GLYR1: variants seen among roughly 807,000 people sequenced by gnomAD.
GLYR1 encodes glyoxylate reductase 1 homolog.
A neutral mutation model predicts 72.7 loss-of-function variants in GLYR1; 21 were observed. That is an observed-to-expected ratio of 0.29 (90% CI 0.20 to 0.42). The LOEUF (loss-of-function observed/expected upper bound fraction) is 0.42. Ranked by LOEUF, GLYR1 falls within the 10% of genes least tolerant of loss-of-function variation. The pLI is 1.00. For synonymous variants in GLYR1, 392 were observed against 270.2 expected (o/e 1.45, Z -4.42); for missense variants, 594 against 712.1 (o/e 0.83, Z 1.89).
intron 1 of GLYR1, chr16:4,847,019 G>C: frequency 1.8e-6 from 1 of 561,112 alleles, no homozygotes. Flanking sequence ...GATCAAAGCC[G>C]GTGCCCGACG....
chr16:4,818,742 C>T (rs975279598), intron 9 of GLYR1, among the ~76,000 whole-genome samples: 4 of 152,260 alleles, frequency 2.6e-5, no homozygotes, highest in East Asian at 1.9e-4. Flanking sequence ...CCCGTCTTCC[C>T]GTTATCAACA....
At chr16:4,805,649 A>G (rs1336147981) in intron 15 of GLYR1, among the ~76,000 whole-genome samples, 2 of 152,178 alleles carry the variant, frequency 1.3e-5, no homozygotes, top group East Asian at 3.8e-4. Flanking sequence ...GAGACCAGCC[A>G]GGCCAAAAAG....
chr16:4,832,367 G>T, intron 4 of GLYR1, 146 bp from the exon 5 acceptor site: 1 of 948,704 alleles, frequency 1.1e-6, no homozygotes, highest in Non-Finnish European at 1.6e-6. Context: ...TGTCGTCCCA[G>T]ACATTGGGAG....
At position 4,804,935 on chromosome 16, in the gene GLYR1, G is replaced by C. The variant is rs1401248709; in HGVS notation, c.*301C>G. 1.7e-5 allele frequency: 3 copies of C among 176,030 alleles called. No homozygotes were observed. The East Asian group carries it at 3.8e-4, about 22-fold the overall frequency. 10.9% of individuals were successfully genotyped at this position (176,030 alleles called of 1,614,324 possible). On this transcript the variant is annotated 3_prime_UTR_variant, in exon 16 of 16. Transcript: ENST00000321919. ...AGCTTCTATCCTGGGGCGAGAGCCT[G>C]TGTGTGTGTGTGTGTGTGTGTGTGT...
At chr16:4,811,524 G>C (rs2083321694) in intron 14 of GLYR1, 99 bp downstream of exon 14, 2 of 1,449,242 alleles carry the variant, frequency 1.4e-6, no homozygotes, top group Non-Finnish European at 1.9e-6. Flanking sequence ...GTCAGGGACT[G>C]ACTGGGGAGG....
At chr16:4,843,940 G>A (rs1454780549) in intron 3 of GLYR1, 4 of 187,218 alleles carry the variant, frequency 2.1e-5, no homozygotes, top group South Asian at 1.5e-4. Flanking sequence ...GTGAAACCCC[G>A]TCTCTACTAA....
intron 9 of GLYR1, among the ~76,000 whole-genome samples, chr16:4,818,120 G>A (rs1295445376): frequency 6.6e-6 from 1 of 151,758 alleles, no homozygotes; most frequent in East Asian, 1.9e-4. Flanking sequence ...TCAGCTTTCT[G>A]AGTAGCTGGG....
intron 7 of GLYR1, among the ~76,000 whole-genome samples, chr16:4,821,943 C>T (rs886966475): frequency 1.3e-5 from 2 of 152,222 alleles, no homozygotes; most frequent in African/African-American, 4.8e-5. Flanking sequence ...CCTCTGCATC[C>T]GCAGGACTTG....
chr16:4,815,043 GGTT>G (rs1567678982), intron 10 of GLYR1, among the ~76,000 whole-genome samples: 1 of 152,124 alleles, frequency 6.6e-6, no homozygotes, highest in African/African-American at 2.4e-5. Flanking sequence ...TTCGTTTTTG[GGTT>G]GTTTCTCAAC....
intron 9 of GLYR1, among the ~76,000 whole-genome samples, chr16:4,819,622 T>C (rs191422690): frequency 2.0e-5 from 3 of 152,294 alleles, no homozygotes; most frequent in African/African-American, 7.2e-5. Flanking sequence ...TGTTTTCAAT[T>C]CAGAAATTCT....
rs905603398 is a variant in GLYR1, at chr16:4,846,089, C to G, written c.75+85G>C. ...TGAATGAGCCCAATTTAACTCAATA[C>G]TAGAAACTGAGAGGAATGCATCTTA... On this transcript the variant is annotated intron_variant, in intron 2 of 15. Coordinates refer to ENST00000321919, the MANE Select transcript of GLYR1 (RefSeq NM_032569.4). The G allele has an allele frequency of 2.8e-6, 4 of 1,448,242 alleles. No individual in the cohort carries two copies. In the African/African-American group the frequency reaches 4.2e-5, roughly 15 times the overall value. The allele number at this position is 1,448,242 out of a possible 1,614,324, so 89.7% of individuals were successfully genotyped here.
chr16:4,832,760 A>G lies in GLYR1; in HGVS notation c.294+14T>C. 2.5e-6 allele frequency: 4 copies of G among 1,597,918 alleles called. No individual in the cohort carries two copies. Among genetic ancestry groups the G allele is most frequent in the Non-Finnish European group, 3.4e-6 (4 of 1,171,232 alleles). On this transcript the variant is annotated intron_variant, in intron 4 of 15. Transcript: ENST00000321919. ...AGTCTGGCATTGGTAGAAAGTGAAC[A>G]TTGTGTCTCTCACCTGGTCTTTCCC...
chr16:4,840,807 C>T (rs1489974650), intron 3 of GLYR1, among the ~76,000 whole-genome samples: 1 of 152,200 alleles, frequency 6.6e-6, no homozygotes, highest in African/African-American at 2.4e-5. Context: ...GGCTGGTAAC[C>T]AATCCAGAGC....
At chr16:4,808,209 C>G (rs570987597) in intron 15 of GLYR1, among the ~76,000 whole-genome samples, 93 of 136,890 alleles carry the variant, frequency 6.8e-4, no homozygotes, top group Non-Finnish European at 1.2e-3. Context: ...GCACTCCAGC[C>G]TGGGCAACAG....
intron 9 of GLYR1, among the ~76,000 whole-genome samples, chr16:4,819,711 C>A (rs1032026394): frequency 6.6e-6 from 1 of 152,200 alleles, no homozygotes; most frequent in African/African-American, 2.4e-5. Flanking sequence ...CTGGAACCAT[C>A]TCTACAAATG....
intron 9 of GLYR1, among the ~76,000 whole-genome samples, chr16:4,819,769 C>T (rs756331904): frequency 1.3e-5 from 2 of 152,178 alleles, no homozygotes; most frequent in Non-Finnish European, 2.9e-5. Flanking sequence ...TCTCCCTGTC[C>T]CAGCCTGTAT....
At chr16:4,809,294 A>G (rs1423144622) in intron 15 of GLYR1, among the ~76,000 whole-genome samples, 1 of 149,378 alleles carries the variant, frequency 6.7e-6, no homozygotes. Flanking sequence ...AGGTTCAAGC[A>G]ATTCTCTGCC....
chr16:4,842,993 C>G (rs931823107), intron 3 of GLYR1, among the ~76,000 whole-genome samples: 1 of 152,190 alleles, frequency 6.6e-6, no homozygotes, highest in African/African-American at 2.4e-5. Flanking sequence ...AGCCACCATG[C>G]CCGACCATCA....
At chr16:4,810,191 A>G (rs1364718609) in intron 15 of GLYR1, among the ~76,000 whole-genome samples, 1 of 152,150 alleles carries the variant, frequency 6.6e-6, no homozygotes, top group Non-Finnish European at 1.5e-5. Context: ...ATTCCACTTT[A>G]AAGGGTTTGA....
Sources: allele counts gnomAD v4.1 joint callset (sites outside exome capture counted in the v4.1 genomes callset), GRCh38; gene constraint gnomAD v4.1.1; transcripts MANE v1.5; gene names NCBI Gene and HGNC (gene_info 2026-07-23, HGNC 2026-07-21).